Variants in RBFOX1 observed in about 807,000 individuals in gnomAD.
The protein encoded by RBFOX1 is RNA binding fox-1 homolog 1.
In RBFOX1, 8 loss-of-function variants were observed where a neutral mutation model predicts 57.7. That is an observed-to-expected ratio of 0.14 (90% CI 0.08 to 0.25). The LOEUF is 0.25. Among genes scored for constraint, RBFOX1 ranks in the 10% least tolerant of loss-of-function variants. RBFOX1 has a pLI of 1.00. For synonymous variants in RBFOX1, 326 were observed against 222.4 expected (o/e 1.47, Z -4.15); for missense variants, 611 against 548.5 (o/e 1.11, Z -1.14).
At chr16:5,337,682 T>C (rs1260406805) in intron 1 of RBFOX1, among the ~76,000 whole-genome samples, 3 of 152,254 alleles carry the variant, frequency 2.0e-5, no homozygotes, top group African/African-American at 4.8e-5. Context: ...GATGTAAATC[T>C]GGAAGAGGTG....
chr16:6,638,940 C>G (rs1167415781), intron 2 of RBFOX1, among the ~76,000 whole-genome samples: 1 of 152,152 alleles, frequency 6.6e-6, no homozygotes, highest in Admixed American at 6.5e-5. Flanking sequence ...GCCAAGGTCA[C>G]AGGGACAGAA....
chr16:5,790,575 T>A (rs1204038660), intron 3 of RBFOX1, among the ~76,000 whole-genome samples: 3 of 151,222 alleles, frequency 2.0e-5, no homozygotes, highest in Non-Finnish European at 4.4e-5. Flanking sequence ...AATAGGGACC[T>A]TGATGCTTAC....
intron 2 of RBFOX1, among the ~76,000 whole-genome samples, chr16:5,560,968 C>G (rs1020862794): frequency 2.0e-5 from 3 of 152,126 alleles, no homozygotes; most frequent in African/African-American, 4.8e-5. Flanking sequence ...CCTGGCACAC[C>G]CTTGTGGCAG....
At chr16:6,246,085 A>C (rs1429115076) in intron 1 of RBFOX1, among the ~76,000 whole-genome samples, 1 of 152,222 alleles carries the variant, frequency 6.6e-6, no homozygotes, top group South Asian at 2.1e-4. Flanking sequence ...CCCAGTTTAC[A>C]GTAGTTTTAA....
At chr16:7,108,235 A>T (rs919907069) in intron 4 of RBFOX1, among the ~76,000 whole-genome samples, 1 of 152,208 alleles carries the variant, frequency 6.6e-6, no homozygotes, top group African/African-American at 2.4e-5. Flanking sequence ...AATCAGAAGC[A>T]CTGGGGAGAA....
chr16:6,787,084 C>A (rs913769216), intron 3 of RBFOX1, among the ~76,000 whole-genome samples: 30 of 152,262 alleles, frequency 2.0e-4, no homozygotes, highest in African/African-American at 7.2e-4. Flanking sequence ...AAGCATCCCT[C>A]ATAGATTGTA....
chr16:6,914,489 C>T (rs989466866), intron 3 of RBFOX1, among the ~76,000 whole-genome samples: 4 of 152,048 alleles, frequency 2.6e-5, no homozygotes, highest in Non-Finnish European at 4.4e-5. Context: ...TCACCTCCAC[C>T]TCCTACCTGA....
chr16:7,209,070 A>C (rs1354876018), intron 4 of RBFOX1, among the ~76,000 whole-genome samples: 1 of 151,874 alleles, frequency 6.6e-6, no homozygotes, highest in East Asian at 1.9e-4. Context: ...CGAGGTGGTC[A>C]GATCACCTGA....
At chr16:7,691,246 C>A (rs1352939915) in intron 14 of RBFOX1, among the ~76,000 whole-genome samples, 1 of 151,996 alleles carries the variant, frequency 6.6e-6, no homozygotes, top group Non-Finnish European at 1.5e-5. Flanking sequence ...CAGAAGTAAT[C>A]TAAGCCAACT....
intron 1 of RBFOX1, among the ~76,000 whole-genome samples, chr16:6,221,795 G>C (rs551701040): frequency 8.8e-4 from 134 of 152,242 alleles, no homozygotes; most frequent in Non-Finnish European, 1.8e-3. Context: ...ATCAGATCTT[G>C]TGAAACTTAG....
intron 3 of RBFOX1, among the ~76,000 whole-genome samples, chr16:5,757,962 A>G (rs969562241): frequency 6.6e-6 from 1 of 152,152 alleles, no homozygotes; most frequent in Non-Finnish European, 1.5e-5. Context: ...CTCACTGTGA[A>G]GTTCTGTACT....
At chr16:5,605,018 C>T (rs1385280328), downstream of RBFOX1, among the ~76,000 whole-genome samples, 1 of 152,188 alleles carries the variant, frequency 6.6e-6, no homozygotes, top group Non-Finnish European at 1.5e-5. Flanking sequence ...TTCTCTACAG[C>T]CCGCGCACAC....
intron 11 of RBFOX1, among the ~76,000 whole-genome samples, chr16:7,646,459 C>G (rs2063757520): frequency 1.3e-5 from 2 of 152,178 alleles, no homozygotes; most frequent in South Asian, 2.1e-4. Context: ...CAATTTCACC[C>G]CAAATTTGCA....
chr16:5,877,861 G>A (rs1315738091), intron 4 of RBFOX1, among the ~76,000 whole-genome samples: 3 of 152,194 alleles, frequency 2.0e-5, no homozygotes, highest in African/African-American at 7.2e-5. Context: ...TGTTCCCATG[G>A]TGATGATAAA....
chr16:7,418,770 C>T (rs182350807), intron 4 of RBFOX1, among the ~76,000 whole-genome samples: 3 of 132,064 alleles, frequency 2.3e-5, no homozygotes, highest in Non-Finnish European at 4.8e-5. Context: ...CTCACTGTGT[C>T]TGTGTCTCTA....
chr16:5,278,765 A>G (rs958029044), intron 1 of RBFOX1, among the ~76,000 whole-genome samples: 3 of 152,162 alleles, frequency 2.0e-5, no homozygotes, highest in Admixed American at 1.3e-4. Context: ...TTATTTTTGT[A>G]AGTGATGAGA....
At chr16:7,384,471 A>C (rs2097844887) in intron 4 of RBFOX1, among the ~76,000 whole-genome samples, 1 of 152,192 alleles carries the variant, frequency 6.6e-6, no homozygotes, top group Non-Finnish European at 1.5e-5. Flanking sequence ...TGCTTATTGC[A>C]GTGGGTTTTC....
At chr16:5,856,699 A>T (rs1806825095) in intron 3 of RBFOX1, among the ~76,000 whole-genome samples, 2 of 149,294 alleles carry the variant, frequency 1.3e-5, no homozygotes, top group Admixed American at 1.3e-4. Context: ...TCTTTTCTTA[A>T]ACCTCATGAG....
At chr16:6,791,064 A>T (rs986952726) in intron 3 of RBFOX1, among the ~76,000 whole-genome samples, 1 of 151,822 alleles carries the variant, frequency 6.6e-6, no homozygotes, top group Non-Finnish European at 1.5e-5. Flanking sequence ...CCACCACAAT[A>T]CCTGACTAAT....
Sources: allele counts gnomAD v4.1 joint callset (sites outside exome capture counted in the v4.1 genomes callset), GRCh38; gene constraint gnomAD v4.1.1; transcripts MANE v1.5; gene names NCBI Gene and HGNC (gene_info 2026-07-23, HGNC 2026-07-21).